GBA2: variants seen among roughly 807,000 people sequenced by gnomAD.
GBA2 encodes the protein glucosylceramidase beta 2, also known as non-lysosomal glucosylceramidase.
GBA2 carries 79 observed loss-of-function variants against 112.9 expected under a neutral mutation model. That is an observed-to-expected ratio of 0.70 (90% confidence interval 0.58 to 0.84). GBA2 has a LOEUF of 0.84. GBA2 is among the 40% of genes least tolerant of loss of function. The probability of loss-of-function intolerance (pLI) is 0.00; values close to 1 mark genes in which losing one functional copy is unlikely to be tolerated. For missense variants in GBA2, 1,043 were observed against 1,190.0 expected (o/e 0.88, Z 1.82); for synonymous variants, 403 against 434.3 (o/e 0.93, Z 0.90).
At position 35,737,711 on chromosome 9, in the gene GBA2, T is replaced by C. The variant is rs1303995263; in HGVS notation, c.2505+37A>G. The stretch of plus-strand genomic sequence containing the variant: ...GTTGAGGAAGTTTTCTGGGCCAGGA[T>C]ACAGATGGTGGAGAGATGGGAAAAG... On this transcript the variant is annotated intron_variant, in intron 16 of 16. Transcript: ENST00000378103. The surrounding 1 kb of genome is among the most constrained non-coding windows in gnomAD (Gnocchi z 4.1). 1.9e-6 allele frequency: 3 copies of C among 1,611,056 alleles called. No individual in the cohort carries two copies. The highest frequency in any genetic ancestry group is 2.7e-5 in the African/African-American group (2 of 74,870).
Position 35,740,744 on chromosome 9 carries a change from A to G in GBA2, c.1026+81T>C. The G allele has an allele frequency of 6.4e-7, 1 of 1,567,038 alleles. No homozygotes were observed. Among genetic ancestry groups the G allele is most frequent in the Non-Finnish European group, 8.8e-7 (1 of 1,141,370 alleles). ...CCCAGGCCCAGGGGCTTACAGGAGTATGATGAGGGTGGATGAAGAGACCAT... is the reference window on the plus strand; with the variant it reads ...CCCAGGCCCAGGGGCTTACAGGAGTGTGATGAGGGTGGATGAAGAGACCAT... On this transcript the variant is annotated intron_variant, in intron 5 of 16. Transcript: ENST00000378103. This position sits in a 1 kb window ranked among gnomAD's most constrained non-coding sequence, Gnocchi z 4.7.
At position 35,741,522 on chromosome 9, in the gene GBA2, TCTC is replaced by T. The variant is rs1365476396; in HGVS notation, c.786+147_786+149del. ...CACGTGTTAGCCAGGATGGTCTCGA[TCTC>T]CTGATCTCATGATCCGCCTGCCTTG... On this transcript the variant is annotated intron_variant, in intron 4 of 16. Coordinates refer to ENST00000378103, the MANE Select transcript of GBA2 (RefSeq NM_020944.3). This position sits in a 1 kb window ranked among gnomAD's most constrained non-coding sequence, Gnocchi z 4.6. 1.4e-6 allele frequency: 1 copy of T among 695,360 alleles called. No individual in the cohort carries two copies. The highest frequency in any genetic ancestry group is 2.7e-6 in the Non-Finnish European group (1 of 377,028). 43.1% of individuals were successfully genotyped at this position (695,360 alleles called of 1,614,324 possible).
At chr9:35,742,657 G>A (rs183177050) in intron 3 of GBA2, among the ~76,000 whole-genome samples, 11 of 152,318 alleles carry the variant, frequency 7.2e-5, no homozygotes, top group Admixed American at 5.9e-4. Context: ...TGGCATGTAT[G>A]TGGAGGGAAT....
intron 1 of GBA2, 95 bp downstream of exon 1, chr9:35,748,251 C>T: frequency 1.3e-6 from 1 of 777,924 alleles, no homozygotes; most frequent in South Asian, 1.7e-5. Flanking sequence ...AGACAAGAAG[C>T]CCAACTGCTT....
Position 35,741,055 on chromosome 9 carries a change from G to C in GBA2, c.796C>G (p.Leu266Val). 6.2e-7 allele frequency: 1 copy of C among 1,614,108 alleles called. No individual in the cohort carries two copies. The highest frequency in any genetic ancestry group is 8.5e-7 in the Non-Finnish European group (1 of 1,180,018). ...ILPHDYQDSS[L>V]PVGVFVWDVE... ...TCCCACACAAAGACTCCTACAGGCA[G>C]GCTGCTGTCCTGGGGGCAGAAGATT... The change falls in exon 5 of 17, where the codon CTG becomes GTG. Residue 266 changes from leucine to valine, a missense_variant. Leu to Val is a conservative substitution (Grantham distance 32). Transcript: ENST00000378103. This position sits in a 1 kb window ranked among gnomAD's most constrained non-coding sequence, Gnocchi z 4.6.
At chr9:35,739,585 T>G (rs778643586) in intron 9 of GBA2, 43 bp downstream of exon 9, 26 of 1,580,706 alleles carry the variant, frequency 1.6e-5, no homozygotes, top group Non-Finnish European at 2.3e-5. Context: ...TCATCCTGAC[T>G]TGGGGATGGC....
Position 35,739,726 on chromosome 9 carries a change from A to C in GBA2, c.1484T>G (p.Leu495Arg). Reference protein sequence around the residue: ...YFLADGGTVWLEVLEDSLPEE... With the variant: ...YFLADGGTVWREVLEDSLPEE... Reference sequence around the variant, plus strand: ...TGGTAGGGAGTCCTCAAGAACTTCCAGCCACACTGTGCCTCCATCAGCCAG... The same window carrying C: ...TGGTAGGGAGTCCTCAAGAACTTCCCGCCACACTGTGCCTCCATCAGCCAG... The change falls in exon 9 of 17, where the codon CTG (leucine) becomes CGG (arginine). Residue 495 changes from leucine to arginine, a missense_variant. Physicochemically the swap from Leu to Arg is moderately radical, Grantham distance 102. Coordinates refer to ENST00000378103, the MANE Select transcript of GBA2 (RefSeq NM_020944.3). 6.2e-7 allele frequency: 1 copy of C among 1,613,928 alleles called. No homozygotes were observed. The highest frequency in any genetic ancestry group is 8.5e-7 in the Non-Finnish European group (1 of 1,179,772).
intron 12 of GBA2, 25 bp downstream of exon 12, chr9:35,738,727 T>A: frequency 6.2e-7 from 1 of 1,612,524 alleles, no homozygotes; most frequent in Non-Finnish European, 8.5e-7. Context: ...CCTGGCACAC[T>A]GGCCACTGCA....
chr9:35,749,150 G>A lies in GBA2; in HGVS notation c.-446C>T, dbSNP rs906599934. On this transcript the variant is annotated 5_prime_UTR_variant, in exon 1 of 17. Transcript: ENST00000378103. The surrounding 1 kb of genome is among the most constrained non-coding windows in gnomAD (Gnocchi z 4.4). ...GCGCCAGGTCCCGCCGGCCGGCTCC[G>A]GGGCAGCGCCCGCGCCCAGGTGCCA... 2.2e-5 allele frequency: 6 copies of A among 276,230 alleles called. No individual in the cohort carries two copies. Among genetic ancestry groups the A allele is most frequent in the Non-Finnish European group, 3.5e-5 (5 of 141,276 alleles). 17.1% of individuals were successfully genotyped at this position (276,230 alleles called of 1,614,324 possible).
intron 1 of GBA2, 118 bp from the exon 2 acceptor site, chr9:35,744,824 A>G: frequency 1.5e-6 from 1 of 677,316 alleles, no homozygotes; most frequent in Non-Finnish European, 2.7e-6. Flanking sequence ...CTGCTTTCAA[A>G]CCTTTCTTCC....
Position 35,741,973 on chromosome 9 carries a change from C to T in GBA2, c.568-83G>A, listed in dbSNP as rs1411096775. On this transcript the variant is annotated intron_variant, in intron 3 of 16. Coordinates refer to ENST00000378103, the MANE Select transcript of GBA2 (RefSeq NM_020944.3). This position sits in a 1 kb window ranked among gnomAD's most constrained non-coding sequence, Gnocchi z 4.6. Reference sequence around the variant, plus strand: ...TCCCTCTCCTCAAATCAGCTCCTCCCCTTTCAGAGCCTGCAACTGTTACCA... The same window carrying T: ...TCCCTCTCCTCAAATCAGCTCCTCCTCTTTCAGAGCCTGCAACTGTTACCA... 2.2e-4 allele frequency: 191 copies of T among 855,306 alleles called. 2 individuals carry two copies. The highest frequency in any genetic ancestry group is 1.9e-5 in the Non-Finnish European group (10 of 517,648). 53.0% of individuals were successfully genotyped at this position (855,306 alleles called of 1,614,324 possible). A position where few individuals can be genotyped will look rare whatever the true frequency, so the allele number is the denominator to read the frequency against.
intron 1 of GBA2, 128 bp from the exon 2 acceptor site, chr9:35,744,834 C>A (rs1386240966): frequency 6.1e-6 from 4 of 656,592 alleles, no homozygotes; most frequent in African/African-American, 3.6e-5. Flanking sequence ...ACCTTTCTTC[C>A]TCTTGATTTC....
At chr9:35,743,916 G>A (rs746282645) in intron 3 of GBA2, among the ~76,000 whole-genome samples, 10 of 152,062 alleles carry the variant, frequency 6.6e-5, no homozygotes, top group Non-Finnish European at 1.2e-4. Flanking sequence ...TTTTTCCCAT[G>A]AGTTTATAGA....
chr9:35,741,939 A>T lies in GBA2; in HGVS notation c.568-49T>A. ...ACGGGGTAAACCACAGGGACCACAG[A>T]CTAAGTCTTCCCTCTCCTCAAATCA... On this transcript the variant is annotated intron_variant, in intron 3 of 16. Coordinates refer to ENST00000378103, the MANE Select transcript of GBA2 (RefSeq NM_020944.3). The surrounding 1 kb of genome is among the most constrained non-coding windows in gnomAD (Gnocchi z 4.6). 5.5e-6 allele frequency: 7 copies of T among 1,263,038 alleles called. No individual in the cohort carries two copies. Among genetic ancestry groups the T allele is most frequent in the Non-Finnish European group, 8.1e-6 (7 of 867,504 alleles). The allele number at this position is 1,263,038 out of a possible 1,614,324, so 78.2% of individuals were successfully genotyped here.
chr9:35,744,439 G>T, intron 2 of GBA2, 27 bp from the exon 3 acceptor site: 1 of 1,348,248 alleles, frequency 7.4e-7, no homozygotes, highest in Non-Finnish European at 1.1e-6. Flanking sequence ...GGTTAGTGGG[G>T]TATTGGGAGA....
chr9:35,740,572 C>T lies in GBA2; in HGVS notation c.1083G>A (p.Gln361=), dbSNP rs777643568. The part of the protein sequence containing the change: ...TAFDPDSTGQ[Q]VWQDLLQDGQ... The stretch of plus-strand genomic sequence containing the variant: ...CATCCTGAAGTAGATCCTGCCACAC[C>T]TGCTGCCCCGTGCTGTCAGGGTCAA... The change falls in exon 6 of 17, where the codon CAG becomes CAA. Residue 361 remains glutamine, a synonymous_variant. Transcript: ENST00000378103. This position sits in a 1 kb window ranked among gnomAD's most constrained non-coding sequence, Gnocchi z 4.7. The T allele has an allele frequency of 1.2e-6, 2 of 1,614,096 alleles. No individual in the cohort carries two copies. Among genetic ancestry groups the T allele is most frequent in the Admixed American group, 1.7e-5 (1 of 60,020 alleles).
rs781195372 is a variant in GBA2 at position 35,744,334 on chromosome 9, G to C, written c.530C>G (p.Pro177Arg). 1.9e-6 allele frequency: 3 copies of C among 1,612,984 alleles called. No individual in the cohort carries two copies. Among genetic ancestry groups the C allele is most frequent in the South Asian group, 2.2e-5 (2 of 91,044 alleles). ...RGQFCRWQLN[P>R]GMYQHRTVIA... ...GACTGTCCGGTGCTGATACATTCCA[G>C]GGTTAAGCTGCCAACGACAGAACTG... The change falls in exon 3 of 17, where the codon CCT (proline) becomes CGT (arginine). Residue 177 changes from proline (P) to arginine (R), a missense_variant. Coordinates refer to ENST00000378103, the MANE Select transcript of GBA2 (RefSeq NM_020944.3).
chr9:35,738,402 A>T (rs765904160), intron 13 of GBA2, 28 bp from the exon 14 acceptor site: 1 of 1,610,526 alleles, frequency 6.2e-7, no homozygotes, highest in Non-Finnish European at 8.5e-7. Flanking sequence ...TTTGGGGGTC[A>T]GACTGGCAGC....
rs1398835177 is a variant in GBA2, at chr9:35,741,790, C to T, written c.668G>A (p.Gly223Glu). 4 of 1,613,668 alleles carry T rather than the reference C, an allele frequency of 2.5e-6. No homozygotes were observed. The South Asian group carries it at 4.4e-5, about 18-fold the overall frequency. Residue 223 changes from glycine (G) to glutamate (E), a missense_variant, in exon 4 of 17, where the codon GGG becomes GAG. Physicochemically the swap from Gly to Glu is moderately conservative, Grantham distance 98 (BLOSUM62 -2). Coordinates refer to ENST00000378103, the MANE Select transcript of GBA2 (RefSeq NM_020944.3). This position sits in a 1 kb window ranked among gnomAD's most constrained non-coding sequence, Gnocchi z 4.6. ...GAGGGCATGGTAGAAAGCAAAGTACCCACACAGGCCCCAGTTCCAGCTGCG... is the reference window on the plus strand; with the variant it reads ...GAGGGCATGGTAGAAAGCAAAGTACTCACACAGGCCCCAGTTCCAGCTGCG... Reference protein sequence around the residue: ...VLRSWNWGLCGYFAFYHALYP... With the variant: ...VLRSWNWGLCEYFAFYHALYP...
Sources: gnomAD v4.1 joint callset for allele counts (sites outside exome capture counted in the v4.1 genomes callset) on GRCh38, gnomAD v4.1.1 for gene constraint, Gnocchi (gnomAD v3.1) non-coding constraint, MANE v1.5 for transcripts, NCBI Gene and HGNC (gene_info 2026-07-23, HGNC 2026-07-21) for gene names.